GXYLT2: variants seen among roughly 807,000 people sequenced by gnomAD.
GXYLT2 encodes glycosyltransferase 8 domain containing 4.
Under a neutral mutation model 45.8 loss-of-function variants are expected in GXYLT2, and 53 were observed. That is an observed-to-expected ratio of 1.16 (90% CI 0.93 to 1.46). The LOEUF is 1.46. Among genes scored for constraint, GXYLT2 ranks in the 40% most tolerant of loss-of-function variants. The pLI is 0.00. For missense variants in GXYLT2, 551 were observed against 544.4 expected, an observed-to-expected ratio of 1.01 and a Z score of -0.12; for synonymous variants, 219 against 214.2, an observed-to-expected ratio of 1.02 and a Z score of -0.19.
chr3:72,956,922 A>G (rs1339367370), intron 4 of GXYLT2, among the ~76,000 whole-genome samples: 4 of 133,912 alleles, frequency 3.0e-5, no homozygotes, highest in Admixed American at 7.6e-5. Context: ...CACAGGAAGG[A>G]AGGGAGGGAG....
At chr3:72,915,337 C>G (rs1279862134) in intron 2 of GXYLT2, among the ~76,000 whole-genome samples, 16 of 83,576 alleles carry the variant, frequency 1.9e-4, no homozygotes, top group Non-Finnish European at 8.2e-5. Flanking sequence ...TTACCCATTT[C>G]CTTTTTTTTT....
chr3:72,925,120 G>C (rs1189396448), intron 3 of GXYLT2, among the ~76,000 whole-genome samples: 3 of 151,688 alleles, frequency 2.0e-5, no homozygotes, highest in Non-Finnish European at 4.4e-5. Context: ...AGCTGCCCAA[G>C]CTCACTTGCT....
chr3:72,951,373 A>T, intron 3 of GXYLT2, among the ~76,000 whole-genome samples: 1 of 152,208 alleles, frequency 6.6e-6, no homozygotes, highest in East Asian at 1.9e-4. Context: ...GTGAGCATTG[A>T]TGCGAATGGT....
intron 1 of GXYLT2, among the ~76,000 whole-genome samples, chr3:72,907,390 G>T (rs778797015): frequency 6.6e-6 from 1 of 152,140 alleles, no homozygotes; most frequent in Non-Finnish European, 1.5e-5. Context: ...GATTGAACTC[G>T]AAGTTTTTGG....
At chr3:72,918,979 C>T (rs757401630) in intron 2 of GXYLT2, among the ~76,000 whole-genome samples, 11 of 152,228 alleles carry the variant, frequency 7.2e-5, no homozygotes, top group Non-Finnish European at 1.2e-4. Context: ...ACCCTGACAA[C>T]ACCAAATGCT....
At chr3:72,956,122 G>A (rs1321017753) in intron 4 of GXYLT2, among the ~76,000 whole-genome samples, 3 of 152,090 alleles carry the variant, frequency 2.0e-5, no homozygotes, top group East Asian at 3.9e-4. Flanking sequence ...ATGGTGTCAC[G>A]TGGCTGTAGT....
At chr3:72,945,442 C>T (rs545311974) in intron 3 of GXYLT2, among the ~76,000 whole-genome samples, 14 of 152,246 alleles carry the variant, frequency 9.2e-5, no homozygotes, top group East Asian at 3.9e-4. Flanking sequence ...TACCTAGATA[C>T]AGAAGATCCC....
intron 2 of GXYLT2, among the ~76,000 whole-genome samples, chr3:72,909,486 C>A (rs1226072453): frequency 6.6e-6 from 1 of 151,958 alleles, no homozygotes. Flanking sequence ...TTACGAAAAT[C>A]AGGATTGTAC....
chr3:72,938,504 GCAA>G (rs1203715451), intron 3 of GXYLT2, among the ~76,000 whole-genome samples: 2 of 152,206 alleles, frequency 1.3e-5, no homozygotes, highest in African/African-American at 4.8e-5. Context: ...CCTGTTTTCA[GCAA>G]CACATTCTCT....
intron 1 of GXYLT2, among the ~76,000 whole-genome samples, chr3:72,899,980 C>T (rs374159018): frequency 6.6e-6 from 1 of 152,186 alleles, no homozygotes; most frequent in Non-Finnish European, 1.5e-5. Context: ...ATCCAACTTA[C>T]CCTGCTAGTC....
intron 1 of GXYLT2, among the ~76,000 whole-genome samples, chr3:72,905,514 T>G (rs1709494199): frequency 6.6e-6 from 1 of 152,232 alleles, no homozygotes; most frequent in Non-Finnish European, 1.5e-5. Flanking sequence ...GCAAATATAT[T>G]CACTTTTCTC....
At chr3:72,895,149 T>G (rs1709263888) in intron 1 of GXYLT2, among the ~76,000 whole-genome samples, 1 of 152,162 alleles carries the variant, frequency 6.6e-6, no homozygotes. Flanking sequence ...TTTCTGCCAG[T>G]GGAGAAGGCT....
At chr3:72,938,571 A>G (rs1160378762) in intron 3 of GXYLT2, among the ~76,000 whole-genome samples, 1 of 152,230 alleles carries the variant, frequency 6.6e-6, no homozygotes, top group Non-Finnish European at 1.5e-5. Context: ...GACAGTTGCC[A>G]TGGCTAACGG....
At chr3:72,970,919 A>G (rs1219223832) in intron 6 of GXYLT2, among the ~76,000 whole-genome samples, 2 of 152,230 alleles carry the variant, frequency 1.3e-5, no homozygotes, top group Non-Finnish European at 2.9e-5. Context: ...AGTGTTTAGC[A>G]TGCATCCAAG....
chr3:72,901,851 G>T (rs1046185568), intron 1 of GXYLT2, among the ~76,000 whole-genome samples: 3 of 151,690 alleles, frequency 2.0e-5, no homozygotes, highest in Non-Finnish European at 2.9e-5. Flanking sequence ...GTGAGCCACC[G>T]CACCCAGCCT....
At chr3:72,954,339 C>G (rs1268669930) in intron 3 of GXYLT2, among the ~76,000 whole-genome samples, 1 of 151,280 alleles carries the variant, frequency 6.6e-6, no homozygotes, top group Non-Finnish European at 1.5e-5. Flanking sequence ...ATCTCTTGAC[C>G]TCGTGATCCG....
At chr3:72,958,460 AC>A (rs543818003) in intron 5 of GXYLT2, among the ~76,000 whole-genome samples, 135 of 152,070 alleles carry the variant, frequency 8.9e-4, no homozygotes, top group Non-Finnish European at 1.9e-3. Context: ...CATATTGTGT[AC>A]CTTTTTAAAA....
chr3:72,930,592 C>CTTCTT (rs1710009936), intron 3 of GXYLT2, among the ~76,000 whole-genome samples: 7 of 101,612 alleles, frequency 6.9e-5, no homozygotes, highest in Admixed American at 4.0e-4. Context: ...TCTTCTTCTT[C>CTTCTT]TTTTTTTTTT....
In GXYLT2 at chr3:72,922,293, G is replaced by T. The variant is rs1709845939; in HGVS notation, c.558G>T (p.Lys186Asn). 3 of 1,613,854 alleles carry T rather than the reference G, an allele frequency of 1.9e-6. No individual in the cohort carries two copies. The highest frequency in any genetic ancestry group is 1.7e-6 in the Non-Finnish European group (2 of 1,179,820). ...CTGTTGGAAACCCTCAGGAGTGGAA[G>T]AAATTGTTCAAACCCTGTGCTGCCC... is the stretch of plus-strand genomic sequence containing the variant. ...TFSVGNPQEW[K>N]KLFKPCAAQR... The change falls in exon 3 of 7, where the codon AAG becomes AAT. Residue 186 changes from lysine to asparagine, a missense_variant. Transcript: ENST00000389617.
Sources: gnomAD v4.1 joint callset for allele counts (sites outside exome capture counted in the v4.1 genomes callset) on GRCh38, gnomAD v4.1.1 for gene constraint, MANE v1.5 for transcripts, NCBI Gene and HGNC (gene_info 2026-07-23, HGNC 2026-07-21) for gene names.